SLC39A11: variants seen among roughly 807,000 people sequenced by gnomAD.
The protein encoded by SLC39A11 is solute carrier family 39 member 11.
In SLC39A11, 33 loss-of-function variants were observed where a neutral mutation model predicts 36.1. The observed-to-expected ratio is 0.91, with a 90% CI of 0.69 to 1.22. The LOEUF is 1.22. Ranked by LOEUF, SLC39A11 falls within the 50% of genes most tolerant of loss-of-function variation. The pLI is 0.00. For missense variants in SLC39A11, 432 were observed against 430.3 expected, an observed-to-expected ratio of 1.00 and a Z score of -0.03; for synonymous variants, 166 against 170.3, an observed-to-expected ratio of 0.97 and a Z score of 0.20.
intron 5 of SLC39A11, among the ~76,000 whole-genome samples, chr17:72,861,068 G>A (rs1208115820): frequency 6.6e-6 from 1 of 152,186 alleles, no homozygotes; most frequent in African/African-American, 2.4e-5. Flanking sequence ...AAAAGAAAGA[G>A]TAATGTCATC....
intron 6 of SLC39A11, chr17:72,837,830 G>T: frequency 2.8e-6 from 2 of 711,478 alleles, no homozygotes; most frequent in East Asian, 3.5e-5. Flanking sequence ...ATGAAAGTCA[G>T]TCCCGGTTAG....
chr17:73,085,911 T>A (rs1266162086), intron 2 of SLC39A11, among the ~76,000 whole-genome samples: 1 of 152,156 alleles, frequency 6.6e-6, no homozygotes. Context: ...GGTACCATAA[T>A]GGCGATGGGA....
chr17:72,981,714 TTAAA>T (rs2088328115), intron 4 of SLC39A11, among the ~76,000 whole-genome samples: 1 of 151,520 alleles, frequency 6.6e-6, no homozygotes, highest in African/African-American at 2.4e-5. Context: ...GAGGTACAAA[TTAAA>T]TAAAAATCTA....
intron 6 of SLC39A11, among the ~76,000 whole-genome samples, chr17:72,829,739 C>T (rs1215395010): frequency 6.6e-6 from 1 of 152,124 alleles, no homozygotes. Flanking sequence ...TGTCCCCATC[C>T]TCATGGGCCC....
intron 6 of SLC39A11, among the ~76,000 whole-genome samples, chr17:72,829,136 G>C (rs375771848): frequency 1.4e-4 from 21 of 152,170 alleles, no homozygotes; most frequent in African/African-American, 2.9e-4. Flanking sequence ...AGGATCACTT[G>C]AGCACAAGAG....
At chr17:72,980,092 A>G (rs961421841) in intron 4 of SLC39A11, among the ~76,000 whole-genome samples, 1 of 152,174 alleles carries the variant, frequency 6.6e-6, no homozygotes, top group Non-Finnish European at 1.5e-5. Context: ...CACCAACAAT[A>G]GCGGGACCCA....
intron 7 of SLC39A11, among the ~76,000 whole-genome samples, chr17:72,685,429 C>A (rs773115123): frequency 1.3e-4 from 20 of 152,388 alleles, no homozygotes; most frequent in Non-Finnish European, 2.6e-4. Flanking sequence ...AAGAACGAGG[C>A]CCAGCGATGG....
At chr17:72,893,241 T>C (rs1026512012) in intron 5 of SLC39A11, among the ~76,000 whole-genome samples, 1 of 152,136 alleles carries the variant, frequency 6.6e-6, no homozygotes, top group African/African-American at 2.4e-5. Flanking sequence ...GTCAGGCAGA[T>C]TGCGAGGTCA....
chr17:73,045,226 G>C (rs1028119896), intron 3 of SLC39A11, among the ~76,000 whole-genome samples: 1 of 151,810 alleles, frequency 6.6e-6, no homozygotes, highest in Non-Finnish European at 1.5e-5. Flanking sequence ...CATACCCAAA[G>C]GGACCTCCCA....
At chr17:72,901,830 T>C (rs1018735364) in intron 5 of SLC39A11, among the ~76,000 whole-genome samples, 3 of 152,152 alleles carry the variant, frequency 2.0e-5, no homozygotes, top group East Asian at 1.9e-4. Context: ...CCAACCTATG[T>C]TGGCACTGTG....
chr17:72,672,689 T>C (rs955973691), intron 7 of SLC39A11, among the ~76,000 whole-genome samples: 3 of 152,174 alleles, frequency 2.0e-5, no homozygotes, highest in Non-Finnish European at 2.9e-5. Flanking sequence ...TGCCTCAAAC[T>C]CCTGGGCTCC....
chr17:72,889,376 A>AAGG (rs2081603414), intron 5 of SLC39A11, among the ~76,000 whole-genome samples: 1 of 151,994 alleles, frequency 6.6e-6, no homozygotes, highest in Non-Finnish European at 1.5e-5. Flanking sequence ...TCAGCTGGGC[A>AAGG]TGGTGGCGGG....
intron 7 of SLC39A11, among the ~76,000 whole-genome samples, chr17:72,661,345 G>A (rs1567916289): frequency 1.3e-5 from 2 of 152,166 alleles, no homozygotes; most frequent in African/African-American, 4.8e-5. Flanking sequence ...GAGAGGTAGT[G>A]GAGAGAGTCA....
intron 5 of SLC39A11, among the ~76,000 whole-genome samples, chr17:72,856,915 A>AG (rs1309580994): frequency 6.6e-6 from 1 of 152,186 alleles, no homozygotes; most frequent in African/African-American, 2.4e-5. Context: ...TCCTGACCTC[A>AG]GGTGATCCAC....
At chr17:72,773,680 C>CACACACACACACACACACACACACACAT (rs879349280) in intron 6 of SLC39A11, among the ~76,000 whole-genome samples, 2 of 150,030 alleles carry the variant, frequency 1.3e-5, no homozygotes, top group African/African-American at 4.9e-5. Flanking sequence ...CACACACACC[C>CACACACACACACACACACACACACACAT]AGTATATAAA....
chr17:73,024,490 C>A (rs1031812737), intron 4 of SLC39A11, among the ~76,000 whole-genome samples: 3 of 152,214 alleles, frequency 2.0e-5, no homozygotes, highest in Non-Finnish European at 4.4e-5. Context: ...CTTTTCATTT[C>A]TCCTTTTTAA....
At chr17:72,783,601 C>T (rs2076397543) in intron 6 of SLC39A11, among the ~76,000 whole-genome samples, 1 of 152,214 alleles carries the variant, frequency 6.6e-6, no homozygotes, top group Non-Finnish European at 1.5e-5. Context: ...GCTTGAATCA[C>T]AGCTATTGAT....
intron 6 of SLC39A11, among the ~76,000 whole-genome samples, chr17:72,786,339 C>A (rs2076514511): frequency 6.6e-6 from 1 of 152,200 alleles, no homozygotes. Flanking sequence ...AGACAATTAA[C>A]CCACAGCCTA....
Position 72,971,860 on chromosome 17 carries a change from G to A in SLC39A11, c.307-23985C>T, listed in dbSNP as rs73349324. On this transcript the variant is annotated intron_variant, in intron 4 of 9. Coordinates refer to ENST00000255559, the MANE Select transcript of SLC39A11 (RefSeq NM_139177.4). ...GCAGGATTCCAAATGAGCCATCTGG[G>A]GAGACAGGTTTTATCTACAAAGCAC... Among the ~76,000 whole-genome samples, 654 of 152,280 alleles carry A rather than the reference G, an allele frequency of 4.3e-3. 10 individuals carry two copies. The highest frequency in any genetic ancestry group is 0.015 in the African/African-American group (622 of 41,556).
Sources: gnomAD v4.1 joint callset for allele counts (sites outside exome capture counted in the v4.1 genomes callset) on GRCh38, gnomAD v4.1.1 for gene constraint, MANE v1.5 for transcripts, NCBI Gene and HGNC (gene_info 2026-07-23, HGNC 2026-07-21) for gene names.